TSHZ3: variants seen among roughly 807,000 people sequenced by gnomAD.
TSHZ3 encodes the protein teashirt zinc finger homeobox 3, also known as teashirt homolog 3.
Under a neutral mutation model 64.5 loss-of-function variants are expected in TSHZ3, and 10 were observed. The ratio of observed to expected loss-of-function variants is 0.16; its 90% CI spans 0.10 to 0.26. TSHZ3 has a LOEUF of 0.26. TSHZ3 is among the 10% of genes least tolerant of loss of function. The pLI is 1.00. For synonymous variants in TSHZ3, 608 were observed against 593.1 expected (o/e 1.03, Z -0.36); for missense variants, 1,242 against 1,421.7 (o/e 0.87, Z 2.03).
chr19:31,296,578 T>C (rs1467256920), intron 1 of TSHZ3, among the ~76,000 whole-genome samples: 1 of 152,156 alleles, frequency 6.6e-6, no homozygotes, highest in Non-Finnish European at 1.5e-5. Context: ...TCAGGTGATC[T>C]GCCCGCCTCA....
chr19:31,229,380 A>G (rs1458958795), intron 3 of TSHZ3, among the ~76,000 whole-genome samples: 2 of 152,228 alleles, frequency 1.3e-5, no homozygotes, highest in Non-Finnish European at 2.9e-5. Context: ...TTAAGAATCT[A>G]TTCCATAATA....
At chr19:31,271,907 C>T (rs953008605), downstream of TSHZ3, among the ~76,000 whole-genome samples, 3 of 152,034 alleles carry the variant, frequency 2.0e-5, no homozygotes, top group African/African-American at 4.8e-5. Flanking sequence ...TATTAAAGAG[C>T]GGTGTTGGAG....
At chr19:31,350,530 TC>T (rs913078148), upstream of TSHZ3, among the ~76,000 whole-genome samples, 9 of 95,702 alleles carry the variant, frequency 9.4e-5, no homozygotes, top group African/African-American at 3.8e-4. Context: ...CGCCAGGGGC[TC>T]CCCCCGAGAG....
At chr19:31,183,223 TC>T (rs1974749936) in intron 5 of TSHZ3, among the ~76,000 whole-genome samples, 832 of 20,124 alleles carry the variant, frequency 0.041, 4 homozygotes, top group African/African-American at 0.16. Flanking sequence ...TCTCTCTCTC[TC>T]TCTTTCTCTC....
intron 4 of TSHZ3, among the ~76,000 whole-genome samples, chr19:31,214,478 C>A (rs1258818454): frequency 2.0e-5 from 3 of 152,218 alleles, no homozygotes; most frequent in South Asian, 4.1e-4. Context: ...AGAACAGAGT[C>A]TTTGATTCTT....
intron 5 of TSHZ3, among the ~76,000 whole-genome samples, chr19:31,188,328 T>C (rs1055337441): frequency 6.6e-6 from 1 of 151,898 alleles, no homozygotes; most frequent in Non-Finnish European, 1.5e-5. Flanking sequence ...ATAATTATAG[T>C]TTTATTTCTT....
chr19:31,334,510 A>G (rs2145187171), intron 1 of TSHZ3, among the ~76,000 whole-genome samples: 1 of 152,300 alleles, frequency 6.6e-6, no homozygotes, highest in Middle Eastern at 3.4e-3. Flanking sequence ...AGGGAGTCAC[A>G]CTGGTTAATT....
intron 4 of TSHZ3, among the ~76,000 whole-genome samples, chr19:31,213,207 A>C (rs1039089051): frequency 6.6e-6 from 1 of 151,600 alleles, no homozygotes; most frequent in Admixed American, 6.6e-5. Flanking sequence ...ATACAAAAAA[A>C]TTAGCCGGGC....
At chr19:31,170,855 A>G (rs1297599796) in intron 5 of TSHZ3, among the ~76,000 whole-genome samples, 1 of 152,224 alleles carries the variant, frequency 6.6e-6, no homozygotes, top group Admixed American at 6.5e-5. Flanking sequence ...AAAACATTTG[A>G]GTCAGAGAAT....
At chr19:31,203,180 T>G (rs1000127766) in intron 5 of TSHZ3, among the ~76,000 whole-genome samples, 2 of 152,136 alleles carry the variant, frequency 1.3e-5, no homozygotes, top group African/African-American at 4.8e-5. Flanking sequence ...AATTGAGCTA[T>G]GCAACTAGCT....
intron 1 of TSHZ3, among the ~76,000 whole-genome samples, chr19:31,264,668 A>G (rs1182715939): frequency 2.0e-5 from 3 of 151,562 alleles, no homozygotes; most frequent in South Asian, 2.1e-4. Context: ...AAATCTCCCA[A>G]TCTTCAAAGT....
Position 31,349,258 on chromosome 19 carries a change from C to A in TSHZ3, c.-39G>T, listed in dbSNP as rs1322777479. On this transcript the variant is annotated 5_prime_UTR_variant, in exon 1 of 2. Transcript: ENST00000240587. ...CGACTGCCACTGCCGCCGCCGCCGC[C>A]GCTGCCGGGCTGAGGACAGGGAGGG... 1.3e-6 allele frequency: 2 copies of A among 1,518,394 alleles called. No individual in the cohort carries two copies. The highest frequency in any genetic ancestry group is 2.6e-5 in the East Asian group (1 of 38,472). The allele number at this position is 1,518,394 out of a possible 1,614,324, so 94.1% of individuals were successfully genotyped here. A position where few individuals can be genotyped will look rare whatever the true frequency, so the allele number is the denominator to read the frequency against.
In TSHZ3 at chr19:31,277,663, G is replaced by C; in HGVS notation, c.2130C>G (p.Thr710=). ...SSLSGSTAII[T]DHPPEQPFVN... ...CAAAAGGCTGTTCAGGCGGGTGGTC[G>C]GTGATGATGGCCGTGCTGCCACTCA... Residue 710 remains threonine (T), a synonymous_variant, in exon 2 of 2, where the codon ACC becomes ACG. Coordinates refer to ENST00000240587, the MANE Select transcript of TSHZ3 (RefSeq NM_020856.4). This position sits in a 1 kb window ranked among gnomAD's most constrained non-coding sequence, Gnocchi z 4.5. The C allele has an allele frequency of 6.5e-7, 1 of 1,532,032 alleles. No homozygotes were observed. The highest frequency in any genetic ancestry group is 8.8e-7 in the Non-Finnish European group (1 of 1,141,178). 94.9% of individuals were successfully genotyped at this position (1,532,032 alleles called of 1,614,324 possible).
intron 1 of TSHZ3, among the ~76,000 whole-genome samples, chr19:31,302,970 G>T (rs1002346958): frequency 6.6e-6 from 1 of 152,174 alleles, no homozygotes; most frequent in African/African-American, 2.4e-5. Context: ...ACATGTACAT[G>T]TATGTGTAAA....
intron 5 of TSHZ3, among the ~76,000 whole-genome samples, chr19:31,162,590 T>C (rs1274591184): frequency 6.6e-6 from 1 of 152,182 alleles, no homozygotes; most frequent in Non-Finnish European, 1.5e-5. Flanking sequence ...CATTTTTTGA[T>C]CATGAAATTT....
intron 5 of TSHZ3, among the ~76,000 whole-genome samples, chr19:31,203,006 C>T (rs1309005261): frequency 6.6e-6 from 1 of 151,848 alleles, no homozygotes; most frequent in African/African-American, 2.4e-5. Context: ...GAAAATTAAG[C>T]CTAACAATCA....
At chr19:31,290,912 T>C (rs1422732931) in intron 1 of TSHZ3, among the ~76,000 whole-genome samples, 1 of 152,218 alleles carries the variant, frequency 6.6e-6, no homozygotes, top group Non-Finnish European at 1.5e-5. Context: ...AGGTCAGGAA[T>C]ATTAATTTTG....
chr19:31,157,764 G>T (rs1480125915), intron 5 of TSHZ3, among the ~76,000 whole-genome samples: 2 of 152,190 alleles, frequency 1.3e-5, no homozygotes, highest in African/African-American at 2.4e-5. Context: ...GGGCTGAAGG[G>T]AATCAAAGTC....
rs369761181 is a variant in TSHZ3 at position 31,172,270 on chromosome 19, A to G, written n.810-15853T>C. Among the ~76,000 whole-genome samples the G allele has an allele frequency of 3.1e-4, 47 of 152,344 alleles. No homozygotes were observed. In the South Asian group the frequency reaches 8.7e-3, roughly 28 times the overall value. ...AGTTGTAGATCCTCTCTATGCCTCA[A>G]TGTGCTCATCTGTAAAATGGGGGCG... On this transcript the variant is annotated intron_variant and non_coding_transcript_variant, in intron 5 of 6. Transcript: ENST00000651361.
Sources: allele counts gnomAD v4.1 joint callset (sites outside exome capture counted in the v4.1 genomes callset), GRCh38; gene constraint gnomAD v4.1.1; non-coding constraint Gnocchi (gnomAD v3.1); transcripts MANE v1.5; gene names NCBI Gene and HGNC (gene_info 2026-07-23, HGNC 2026-07-21).